SLC30A4: variants seen among roughly 807,000 people sequenced by gnomAD.
The protein encoded by SLC30A4 is probable proton-coupled zinc antiporter SLC30A4.
In SLC30A4, 20 loss-of-function variants were observed where a neutral mutation model predicts 41.7. The ratio of observed to expected loss-of-function variants is 0.48; its 90% CI spans 0.34 to 0.70. The LOEUF (loss-of-function observed/expected upper bound fraction) is 0.70. SLC30A4 is among the 30% of genes least tolerant of loss of function. SLC30A4 has a pLI of 0.01. For missense variants in SLC30A4, 441 were observed against 529.3 expected, an observed-to-expected ratio of 0.83 and a Z score of 1.64; for synonymous variants, 181 against 195.9, an observed-to-expected ratio of 0.92 and a Z score of 0.64.
In SLC30A4 at chr15:45,482,795, T is replaced by C; in HGVS notation, c.*2368A>G. 6.6e-6 allele frequency: 1 copy of C among 152,178 alleles called. No individual in the cohort carries two copies. 9.4% of individuals were successfully genotyped at this position (152,178 alleles called of 1,614,324 possible). On this transcript the variant is annotated 3_prime_UTR_variant, in exon 8 of 8. Coordinates refer to ENST00000261867, the MANE Select transcript of SLC30A4 (RefSeq NM_013309.6). Reference sequence around the variant, plus strand: ...GGAATCCCATCATGTATATTTTCTTTTCCTTTTTGTTTTTGAGATAGGGTC... The same window carrying C: ...GGAATCCCATCATGTATATTTTCTTCTCCTTTTTGTTTTTGAGATAGGGTC...
intron 2 of SLC30A4, chr15:45,521,125 T>C (rs1285110708): frequency 2.5e-6 from 1 of 395,100 alleles, no homozygotes; most frequent in African/African-American, 2.1e-5. Flanking sequence ...ATTTAAGAGA[T>C]GACATGTAAG....
chr15:45,487,718 G>C, intron 5 of SLC30A4, 86 bp from the exon 6 acceptor site: 1 of 663,598 alleles, frequency 1.5e-6, no homozygotes, highest in Non-Finnish European at 2.7e-6. Flanking sequence ...GTCCCTTCTT[G>C]CTTGATTTTC....
chr15:45,484,228 T>G lies in SLC30A4; in HGVS notation c.*935A>C, dbSNP rs1447976517. 1 of 152,426 alleles carries G rather than the reference T, an allele frequency of 6.6e-6. No homozygotes were observed. The highest frequency in any genetic ancestry group is 1.9e-4 in the East Asian group (1 of 5,202). The allele number at this position is 152,426 out of a possible 1,614,324, so 9.4% of individuals were successfully genotyped here. ...TGGAGGCAGGAACCAACGTACCACATTTTTTGTACAAATTGTTGGCAGTTC... is the reference window on the plus strand; with the variant it reads ...TGGAGGCAGGAACCAACGTACCACAGTTTTTGTACAAATTGTTGGCAGTTC... On this transcript the variant is annotated 3_prime_UTR_variant, in exon 8 of 8. Coordinates refer to ENST00000261867, the MANE Select transcript of SLC30A4 (RefSeq NM_013309.6).
At chr15:45,511,794 T>G (rs35196508) in intron 2 of SLC30A4, among the ~76,000 whole-genome samples, 2 of 152,232 alleles carry the variant, frequency 1.3e-5, no homozygotes, top group Non-Finnish European at 2.9e-5. Context: ...GAATATCCAT[T>G]TCTAGTAACA....
At position 45,482,769 on chromosome 15, in the gene SLC30A4, A is replaced by T. The variant is rs1891622442; in HGVS notation, c.*2394T>A. The T allele has an allele frequency of 6.6e-6, 1 of 152,192 alleles. No individual in the cohort carries two copies. Among genetic ancestry groups the T allele is most frequent in the African/African-American group, 2.4e-5 (1 of 41,454 alleles). The allele number at this position is 152,192 out of a possible 1,614,324, so 9.4% of individuals were successfully genotyped here. On this transcript the variant is annotated 3_prime_UTR_variant, in exon 8 of 8. Coordinates refer to ENST00000261867, the MANE Select transcript of SLC30A4 (RefSeq NM_013309.6). ...TCATTATTTTAAATGACTTCACAAT[A>T]GGAATCCCATCATGTATATTTTCTT... is the stretch of plus-strand genomic sequence containing the variant.
chr15:45,506,539 CA>C (rs1395811424), intron 3 of SLC30A4, among the ~76,000 whole-genome samples: 1 of 152,164 alleles, frequency 6.6e-6, no homozygotes, highest in Non-Finnish European at 1.5e-5. Flanking sequence ...TCAGGGACAC[CA>C]ACTGCTTTGG....
chr15:45,497,741 G>A (rs1372262704), intron 3 of SLC30A4, among the ~76,000 whole-genome samples: 1 of 152,068 alleles, frequency 6.6e-6, no homozygotes, highest in East Asian at 1.9e-4. Context: ...GAGTTTTCAA[G>A]GTTCACATGA....
intron 3 of SLC30A4, among the ~76,000 whole-genome samples, chr15:45,499,948 T>C (rs759527153): frequency 2.0e-5 from 3 of 152,262 alleles, no homozygotes; most frequent in Non-Finnish European, 4.4e-5. Flanking sequence ...ATAGCCACTG[T>C]ATCCCACAAA....
At chr15:45,491,841 G>A (rs1891815369) in intron 3 of SLC30A4, among the ~76,000 whole-genome samples, 1 of 151,016 alleles carries the variant, frequency 6.6e-6, no homozygotes, top group Non-Finnish European at 1.5e-5. Context: ...CTCCAGCCTG[G>A]TCTCCAGAGC....
chr15:45,482,818 G>A lies in SLC30A4; in HGVS notation c.*2345C>T, dbSNP rs936477990. The A allele has an allele frequency of 1.3e-5, 2 of 152,044 alleles. No homozygotes were observed. Among genetic ancestry groups the A allele is most frequent in the Non-Finnish European group, 2.9e-5 (2 of 67,998 alleles). The allele number at this position is 152,044 out of a possible 1,614,324, so 9.4% of individuals were successfully genotyped here. On this transcript the variant is annotated 3_prime_UTR_variant, in exon 8 of 8. Coordinates refer to ENST00000261867, the MANE Select transcript of SLC30A4 (RefSeq NM_013309.6). ...TTTTCCTTTTTGTTTTTGAGATAGG[G>A]TCTCATTTTGTTACTCAGGCTGCAG... is the stretch of plus-strand genomic sequence containing the variant.
In SLC30A4 at chr15:45,485,127, G is replaced by C; in HGVS notation, c.*36C>G. ...TATTGCTCTCAAGTCTGTGACTGCAGGATAAATAAGGCAGGAGTTCCCAAA... is the reference window on the plus strand; with the variant it reads ...TATTGCTCTCAAGTCTGTGACTGCACGATAAATAAGGCAGGAGTTCCCAAA... On this transcript the variant is annotated 3_prime_UTR_variant, in exon 8 of 8. Coordinates refer to ENST00000261867, the MANE Select transcript of SLC30A4 (RefSeq NM_013309.6). The C allele has an allele frequency of 6.4e-7, 1 of 1,568,088 alleles. No individual in the cohort carries two copies. Among genetic ancestry groups the C allele is most frequent in the East Asian group, 2.3e-5 (1 of 44,336 alleles).
chr15:45,494,725 A>G (rs1368608386), intron 3 of SLC30A4, among the ~76,000 whole-genome samples: 3 of 152,022 alleles, frequency 2.0e-5, no homozygotes, highest in Non-Finnish European at 4.4e-5. Context: ...TAAAGAAGAA[A>G]TAATTTTAAA....
rs200476763 is a variant in SLC30A4 at position 45,485,350 on chromosome 15, T to C, written c.1136-33A>G. 9.0e-5 allele frequency: 134 copies of C among 1,490,212 alleles called. 1 individual carries two copies. The highest frequency in any genetic ancestry group is 9.2e-7 in the Non-Finnish European group (1 of 1,081,990). 92.3% of individuals were successfully genotyped at this position (1,490,212 alleles called of 1,614,324 possible). A position where few individuals can be genotyped will look rare whatever the true frequency, so the allele number is the denominator to read the frequency against. On this transcript the variant is annotated intron_variant, in intron 7 of 7. Coordinates refer to ENST00000261867, the MANE Select transcript of SLC30A4 (RefSeq NM_013309.6). ...GTCAAGAAAATATCATTACTATCCA[T>C]TGTACAGTTACATCTTGAATAAGAT...
intron 3 of SLC30A4, among the ~76,000 whole-genome samples, chr15:45,500,616 CTATCTAT>C (rs1566878195): frequency 5.1e-5 from 1 of 19,520 alleles, no homozygotes; most frequent in Admixed American, 5.5e-4. Context: ...AAGGGTCTGT[CTATCTAT>C]CTATCTATCT....
intron 3 of SLC30A4, among the ~76,000 whole-genome samples, chr15:45,500,646 AT>A (rs1299048974): frequency 9.7e-4 from 131 of 135,216 alleles, no homozygotes; most frequent in South Asian, 2.5e-3. Flanking sequence ...CTATCTATCT[AT>A]CTATCTATCT....
chr15:45,499,399 G>T (rs1235784085), intron 3 of SLC30A4, among the ~76,000 whole-genome samples: 1 of 152,024 alleles, frequency 6.6e-6, no homozygotes, highest in Non-Finnish European at 1.5e-5. Context: ...TTACCATAGT[G>T]CAAATCTTGC....
At chr15:45,490,975 C>G in intron 3 of SLC30A4, 94 bp from the exon 4 acceptor site, 1 of 823,144 alleles carries the variant, frequency 1.2e-6, no homozygotes, top group Non-Finnish European at 1.8e-6. Context: ...TATATTCTTT[C>G]CTCTAAGGAG....
intron 5 of SLC30A4, 64 bp from the exon 6 acceptor site, chr15:45,487,696 A>C (rs1891731121): frequency 1.3e-6 from 1 of 766,338 alleles, no homozygotes; most frequent in African/African-American, 1.7e-5. Flanking sequence ...TGCAAAGCAA[A>C]GCAAGGAATA....
At position 45,513,138 on chromosome 15, in the gene SLC30A4, A is replaced by T. The variant is rs1302793802; in HGVS notation, c.392-1854T>A. Among the ~76,000 whole-genome samples, 4 of 152,100 alleles carry T rather than the reference A, an allele frequency of 2.6e-5. No homozygotes were observed. In the East Asian group the frequency reaches 7.7e-4, roughly 29 times the overall value. ...AACATGGTGAAACCCCATCTCTACC[A>T]AAAAATAAATAAGAAAGAAAAAGAA... On this transcript the variant is annotated intron_variant, in intron 2 of 7. Coordinates refer to ENST00000261867, the MANE Select transcript of SLC30A4 (RefSeq NM_013309.6).
Sources: gnomAD v4.1 joint callset for allele counts (sites outside exome capture counted in the v4.1 genomes callset) on GRCh38, gnomAD v4.1.1 for gene constraint, MANE v1.5 for transcripts, NCBI Gene and HGNC (gene_info 2026-07-23, HGNC 2026-07-21) for gene names.